GFOD1: variants seen among roughly 807,000 people sequenced by gnomAD.
GFOD1 encodes Gfo/Idh/MocA-like oxidoreductase domain containing 1.
Under a neutral mutation model 25.4 loss-of-function variants are expected in GFOD1, and 9 were observed. The observed-to-expected ratio is 0.35, with a 90% confidence interval of 0.21 to 0.62. The LOEUF (loss-of-function observed/expected upper bound fraction) is 0.62, where lower values mean the gene tolerates loss of function less well. GFOD1 is among the 20% of genes least tolerant of loss of function. The pLI is 0.72. For missense variants in GFOD1, 403 were observed against 556.9 expected (o/e 0.72, Z 2.78); for synonymous variants, 253 against 245.6 (o/e 1.03, Z -0.28).
intron 1 of GFOD1, among the ~76,000 whole-genome samples, chr6:13,447,740 CAAAAAAAAAAAAAAAAA>C (rs34431944): frequency 1.6e-4 from 5 of 31,910 alleles, no homozygotes; most frequent in East Asian, 1.3e-3. Flanking sequence ...GACTCCTTCT[CAAAAAAAAAAAAAAAAA>C]AAAAAAAAAA....
At chr6:13,390,777 G>GGGAGGA (rs1195738735) in intron 1 of GFOD1, among the ~76,000 whole-genome samples, 5 of 75,454 alleles carry the variant, frequency 6.6e-5, no homozygotes, top group African/African-American at 2.3e-4. Context: ...GAGAGAGAGA[G>GGGAGGA]AGAAAGGAAG....
At chr6:13,485,317 G>C (rs1279134195) in intron 1 of GFOD1, among the ~76,000 whole-genome samples, 2 of 152,178 alleles carry the variant, frequency 1.3e-5, no homozygotes, top group Non-Finnish European at 2.9e-5. Context: ...CACCTACCCT[G>C]AATCCATACC....
At chr6:13,469,283 A>C in intron 1 of GFOD1, 6 of 985,660 alleles carry the variant, frequency 6.1e-6, no homozygotes, top group Non-Finnish European at 7.2e-6. Flanking sequence ...TATCTTATCC[A>C]TACAAGAGTT....
chr6:13,392,377 A>T (rs2127561528), intron 1 of GFOD1, among the ~76,000 whole-genome samples: 1 of 151,902 alleles, frequency 6.6e-6, no homozygotes, highest in South Asian at 2.1e-4. Context: ...AAGAGAAAAA[A>T]GAAAATCTGT....
At chr6:13,402,943 G>A (rs1032365975) in intron 1 of GFOD1, among the ~76,000 whole-genome samples, 3 of 152,094 alleles carry the variant, frequency 2.0e-5, no homozygotes, top group Non-Finnish European at 4.4e-5. Context: ...TCCATCAACC[G>A]ATGAATGAAT....
At chr6:13,399,374 G>T (rs1785798816) in intron 1 of GFOD1, among the ~76,000 whole-genome samples, 2 of 152,142 alleles carry the variant, frequency 1.3e-5, no homozygotes, top group Admixed American at 1.3e-4. Context: ...TCCACTCCTA[G>T]AAATTTACCA....
chr6:13,464,650 A>G (rs1758348994), intron 1 of GFOD1, among the ~76,000 whole-genome samples: 1 of 152,260 alleles, frequency 6.6e-6, no homozygotes, highest in Non-Finnish European at 1.5e-5. Context: ...ATCAGTAGAT[A>G]CTAAGTAAAG....
chr6:13,468,208 A>T (rs1239977570), intron 1 of GFOD1, among the ~76,000 whole-genome samples: 1 of 152,142 alleles, frequency 6.6e-6, no homozygotes, highest in African/African-American at 2.4e-5. Context: ...CGTGTGTGTG[A>T]TTTTAAACAA....
chr6:13,437,574 T>A (rs984755071), intron 1 of GFOD1, among the ~76,000 whole-genome samples: 1 of 152,248 alleles, frequency 6.6e-6, no homozygotes, highest in African/African-American at 2.4e-5. Context: ...TAGCGGCTAC[T>A]ATGTTGGGCA....
intron 1 of GFOD1, among the ~76,000 whole-genome samples, chr6:13,404,577 C>T (rs1218326872): frequency 6.6e-6 from 1 of 152,176 alleles, no homozygotes; most frequent in Non-Finnish European, 1.5e-5. Context: ...AAGGGTGTTA[C>T]AAGAACTAAA....
rs1433250180 is a variant in GFOD1 at position 13,360,926 on chromosome 6, C to T, written c.*3817G>A. On this transcript the variant is annotated 3_prime_UTR_variant, in exon 2 of 2. Transcript: ENST00000379287. ...GGAGAAGATTAAGGATTTGAATGAC[C>T]TCATTTCTGCCTAACAGTTGTGTGA... is the stretch of plus-strand genomic sequence containing the variant. 2.2e-5 allele frequency: 10 copies of T among 447,300 alleles called. No homozygotes were observed. The highest frequency in any genetic ancestry group is 4.1e-5 in the Non-Finnish European group (9 of 220,484). The allele number at this position is 447,300 out of a possible 1,614,324, so 27.7% of individuals were successfully genotyped here.
intron 1 of GFOD1, among the ~76,000 whole-genome samples, chr6:13,463,139 C>T (rs2127575786): frequency 6.6e-6 from 1 of 152,340 alleles, no homozygotes; most frequent in East Asian, 1.9e-4. Context: ...GCCCAGGGTA[C>T]TTAATTAACT....
At chr6:13,417,514 G>A (rs6936420) in intron 1 of GFOD1, among the ~76,000 whole-genome samples, 123,555 of 152,180 alleles carry the variant, frequency 0.81, 53,147 homozygotes, top group Non-Finnish European at 0.95. Context: ...TAAATGAGCC[G>A]ATGGACTTAA....
At chr6:13,409,921 T>A (rs1786040714) in intron 1 of GFOD1, among the ~76,000 whole-genome samples, 1 of 37,292 alleles carries the variant, frequency 2.7e-5, no homozygotes, top group African/African-American at 6.3e-5. Context: ...GGGCTCCATT[T>A]CAAAAAAAAA....
intron 1 of GFOD1, among the ~76,000 whole-genome samples, chr6:13,477,576 T>C: frequency 6.6e-6 from 1 of 152,074 alleles, no homozygotes; most frequent in Non-Finnish European, 1.5e-5. Flanking sequence ...CAGAACTCCA[T>C]GCAGTTGGTC....
chr6:13,462,219 C>T lies in GFOD1; in HGVS notation c.253+24419G>A, dbSNP rs554168648. 7.2e-5 allele frequency among the ~76,000 whole-genome samples: 11 copies of T among 152,296 alleles called. No individual in the cohort carries two copies. In the South Asian group the frequency reaches 8.3e-4, roughly 11 times the overall value. The stretch of plus-strand genomic sequence containing the variant: ...ATAGTGTGTCTTCAAAAGTATTGCA[C>T]TATTTTTTAAAATGCCCCTCATTAT... On this transcript the variant is annotated intron_variant, in intron 1 of 1. Coordinates refer to ENST00000379287, the MANE Select transcript of GFOD1 (RefSeq NM_018988.4).
intron 1 of GFOD1, among the ~76,000 whole-genome samples, chr6:13,423,002 C>G (rs1319212660): frequency 6.6e-6 from 1 of 152,190 alleles, no homozygotes; most frequent in Admixed American, 6.5e-5. Flanking sequence ...ACACATCCTC[C>G]AGGTAGAAGA....
At chr6:13,414,374 C>T (rs956091421) in intron 1 of GFOD1, among the ~76,000 whole-genome samples, 3 of 152,240 alleles carry the variant, frequency 2.0e-5, no homozygotes, top group Admixed American at 6.5e-5. Flanking sequence ...AGTCGGCCAG[C>T]GCCCTGCAAA....
chr6:13,460,869 G>A (rs905492096), intron 1 of GFOD1, among the ~76,000 whole-genome samples: 11 of 152,118 alleles, frequency 7.2e-5, no homozygotes, highest in Admixed American at 1.3e-4. Flanking sequence ...GGGTTTGCAG[G>A]AGTAAGTCTA....
Sources: allele counts gnomAD v4.1 joint callset (sites outside exome capture counted in the v4.1 genomes callset), GRCh38; gene constraint gnomAD v4.1.1; transcripts MANE v1.5; gene names NCBI Gene and HGNC (gene_info 2026-07-23, HGNC 2026-07-21).